ATXN1: variants seen among roughly 807,000 people sequenced by gnomAD.
ATXN1 encodes the protein ataxin-1.
A neutral mutation model predicts 56.4 loss-of-function variants in ATXN1; 8 were observed. The ratio of observed to expected loss-of-function variants is 0.14; its 90% CI spans 0.08 to 0.26. The LOEUF (loss-of-function observed/expected upper bound fraction) is 0.26, where lower values mean the gene tolerates loss of function less well. Among genes scored for constraint, ATXN1 ranks in the 10% least tolerant of loss-of-function variants. The probability of loss-of-function intolerance (pLI) is 1.00; values close to 1 mark genes in which losing one functional copy is unlikely to be tolerated. For missense variants in ATXN1, 987 were observed against 1,106.5 expected (o/e 0.89, Z 1.53); for synonymous variants, 514 against 494.6 (o/e 1.04, Z -0.52).
At chr6:16,507,848 A>C (rs1158301616) in intron 5 of ATXN1, among the ~76,000 whole-genome samples, 3 of 152,222 alleles carry the variant, frequency 2.0e-5, no homozygotes, top group Non-Finnish European at 4.4e-5. Flanking sequence ...CCTAGTTGCA[A>C]GCACTGGATG....
At chr6:16,458,182 T>C (rs951572411) in intron 6 of ATXN1, among the ~76,000 whole-genome samples, 2 of 152,204 alleles carry the variant, frequency 1.3e-5, no homozygotes, top group Non-Finnish European at 2.9e-5. Flanking sequence ...ACAAATTCCC[T>C]AATGGGCAGC....
At chr6:16,561,034 T>C (rs1385820757) in intron 4 of ATXN1, among the ~76,000 whole-genome samples, 1 of 152,222 alleles carries the variant, frequency 6.6e-6, no homozygotes, top group Non-Finnish European at 1.5e-5. Context: ...GTGCTTTGTA[T>C]ACAATGTAGA....
At chr6:16,704,570 T>C (rs920808530) in intron 2 of ATXN1, among the ~76,000 whole-genome samples, 1 of 152,226 alleles carries the variant, frequency 6.6e-6, no homozygotes, top group Admixed American at 6.5e-5. Flanking sequence ...CTTGAAAATC[T>C]TACCAACAAG....
chr6:16,572,201 A>T (rs1762344452), intron 4 of ATXN1, among the ~76,000 whole-genome samples: 1 of 152,200 alleles, frequency 6.6e-6, no homozygotes, highest in Admixed American at 6.5e-5. Context: ...TCCACTTACA[A>T]TTAACTATAA....
chr6:16,409,478 C>T (rs1472688986), intron 6 of ATXN1, among the ~76,000 whole-genome samples: 1 of 151,966 alleles, frequency 6.6e-6, no homozygotes, highest in East Asian at 1.9e-4. Flanking sequence ...CATAGTGAAA[C>T]ACTGTCTCTA....
chr6:16,639,036 C>T (rs1763653463), intron 3 of ATXN1, among the ~76,000 whole-genome samples: 3 of 152,194 alleles, frequency 2.0e-5, no homozygotes, highest in Admixed American at 1.3e-4. Flanking sequence ...TAAAAACACA[C>T]CAATCAGCGC....
chr6:16,680,346 T>C (rs942806729), intron 2 of ATXN1, among the ~76,000 whole-genome samples: 4 of 152,208 alleles, frequency 2.6e-5, no homozygotes, highest in African/African-American at 9.7e-5. Context: ...CCCAAACATG[T>C]CCTTCTGTTC....
At chr6:16,652,722 C>T (rs1429667805) in intron 3 of ATXN1, 3 of 152,158 alleles carry the variant, frequency 2.0e-5, no homozygotes, top group Non-Finnish European at 2.9e-5. Context: ...GAAAGAACTA[C>T]GCAGAGGAAA....
At chr6:16,559,604 A>G (rs553264130) in intron 4 of ATXN1, among the ~76,000 whole-genome samples, 2 of 152,308 alleles carry the variant, frequency 1.3e-5, no homozygotes, top group African/African-American at 4.8e-5. Context: ...AATATCCTTA[A>G]AAGGACTCAC....
At chr6:16,734,546 C>T (rs977514813) in intron 2 of ATXN1, among the ~76,000 whole-genome samples, 11 of 152,122 alleles carry the variant, frequency 7.2e-5, no homozygotes, top group African/African-American at 2.7e-4. Context: ...CTCACTCTGT[C>T]GCTCAGGCTG....
chr6:16,408,067 A>G (rs1366482249), intron 6 of ATXN1, among the ~76,000 whole-genome samples: 1 of 152,158 alleles, frequency 6.6e-6, no homozygotes, highest in African/African-American at 2.4e-5. Context: ...CATTAGGAAT[A>G]TCTACCAACC....
At chr6:16,533,617 G>A in intron 4 of ATXN1, among the ~76,000 whole-genome samples, 1 of 152,162 alleles carries the variant, frequency 6.6e-6, no homozygotes, top group East Asian at 1.9e-4. Context: ...GAGGGACATA[G>A]GAAAGGGCAA....
chr6:16,336,418 T>C (rs1761124560), intron 6 of ATXN1, among the ~76,000 whole-genome samples: 1 of 152,126 alleles, frequency 6.6e-6, no homozygotes, highest in Non-Finnish European at 1.5e-5. Context: ...AGACGTTCAG[T>C]AAGGAAGAGA....
chr6:16,369,317 C>T (rs1391809418), intron 6 of ATXN1, among the ~76,000 whole-genome samples: 4 of 152,150 alleles, frequency 2.6e-5, no homozygotes, highest in Admixed American at 2.0e-4. Flanking sequence ...CAAAGAAACC[C>T]GATATCCAAC....
At chr6:16,523,265 A>G (rs1693966286) in intron 4 of ATXN1, among the ~76,000 whole-genome samples, 1 of 152,034 alleles carries the variant, frequency 6.6e-6, no homozygotes, top group South Asian at 2.1e-4. Flanking sequence ...ATCCGTGCCC[A>G]TTTTATAGCT....
rs1760820165 is a variant in ATXN1, at chr6:16,326,865, C to T, written c.1446G>A (p.Leu482=). 1 of 1,609,846 alleles carries T rather than the reference C, an allele frequency of 6.2e-7. No homozygotes were observed. The highest frequency in any genetic ancestry group is 1.7e-5 in the Admixed American group (1 of 59,940). The stretch of plus-strand genomic sequence containing the variant: ...GCAGGGGCTGTGTGCCGGGGATCAC[C>T]AGGTGCTGGGGCAGGCTGCCGGCGT... ...ITYAGSLPQH[L]VIPGTQPLLI... The change falls in exon 7 of 8, where the codon CTG becomes CTA. Residue 482 remains leucine (L), a synonymous_variant. Transcript: ENST00000436367. This position sits in a 1 kb window ranked among gnomAD's most constrained non-coding sequence, Gnocchi z 6.6.
At chr6:16,733,780 G>A (rs1760047991) in intron 2 of ATXN1, among the ~76,000 whole-genome samples, 1 of 152,260 alleles carries the variant, frequency 6.6e-6, no homozygotes, top group Non-Finnish European at 1.5e-5. Flanking sequence ...CCGGGAGGGA[G>A]AGGTTACAGT....
chr6:16,635,915 T>A (rs905749469), intron 3 of ATXN1, among the ~76,000 whole-genome samples: 4 of 152,124 alleles, frequency 2.6e-5, no homozygotes, highest in Non-Finnish European at 4.4e-5. Flanking sequence ...GCACAGTCCG[T>A]GCAAGGGAAA....
chr6:16,553,137 C>T (rs1359980609), intron 4 of ATXN1, among the ~76,000 whole-genome samples: 2 of 152,134 alleles, frequency 1.3e-5, no homozygotes, highest in Admixed American at 1.3e-4. Context: ...CCATTGGCAG[C>T]GCCAGGACAC....
Sources: allele counts gnomAD v4.1 joint callset (sites outside exome capture counted in the v4.1 genomes callset), GRCh38; gene constraint gnomAD v4.1.1; non-coding constraint Gnocchi (gnomAD v3.1); transcripts MANE v1.5; gene names NCBI Gene and HGNC (gene_info 2026-07-23, HGNC 2026-07-21).